STARD13: variants seen among roughly 807,000 people sequenced by gnomAD.
STARD13 encodes stAR-related lipid transfer protein 13.
STARD13 carries 62 observed loss-of-function variants against 106.4 expected under a neutral mutation model. The ratio of observed to expected loss-of-function variants is 0.58; its 90% confidence interval spans 0.48 to 0.72. STARD13 has a LOEUF of 0.72. Among genes scored for constraint, STARD13 ranks in the 30% least tolerant of loss-of-function variants. The pLI, the probability that STARD13 is intolerant of heterozygous loss-of-function variation, is 0.00. For synonymous variants in STARD13, 565 were observed against 553.0 expected, an observed-to-expected ratio of 1.02 and a Z score of -0.31; for missense variants, 1,387 against 1,424.0, an observed-to-expected ratio of 0.97 and a Z score of 0.42.
chr13:33,276,128 A>G (rs1324676366), intron 1 of STARD13: 3 of 152,202 alleles, frequency 2.0e-5, no homozygotes, highest in Admixed American at 2.0e-4. Flanking sequence ...AGACCTTCCA[A>G]CTAAAAGTAC....
At chr13:33,611,689 C>T in the STARD13 span, among the ~76,000 whole-genome samples, 1 of 152,176 alleles carries the variant, frequency 6.6e-6, no homozygotes, top group African/African-American at 2.4e-5. Context: ...ATAAGCAGGT[C>T]ATTTATTCAA....
At chr13:33,195,900 AT>A (rs1886581251) in intron 1 of STARD13, among the ~76,000 whole-genome samples, 2 of 152,152 alleles carry the variant, frequency 1.3e-5, no homozygotes, top group African/African-American at 4.8e-5. Flanking sequence ...TGAGGATGAA[AT>A]GAGTGCTCTG....
chr13:33,337,764 G>A (rs78801559), intron 1 of STARD13, among the ~76,000 whole-genome samples: 2,958 of 152,252 alleles, frequency 0.019, 92 homozygotes, highest in African/African-American at 0.066. Flanking sequence ...AATTCACAAA[G>A]CAAGTCATGG....
At chr13:33,175,769 C>A (rs1349401681) in intron 1 of STARD13, among the ~76,000 whole-genome samples, 1 of 152,206 alleles carries the variant, frequency 6.6e-6, no homozygotes, top group African/African-American at 2.4e-5. Flanking sequence ...TTCCATCCTA[C>A]ATTGCTTTAA....
the STARD13 span, among the ~76,000 whole-genome samples, chr13:33,508,608 GAC>G: frequency 2.0e-5 from 3 of 152,130 alleles, no homozygotes; most frequent in Non-Finnish European, 4.4e-5. Context: ...TGTTGTAAAT[GAC>G]AGTTCTTAAA....
intron 1 of STARD13, among the ~76,000 whole-genome samples, chr13:33,335,990 CATTA>C (rs113377853): frequency 0.31 from 5,194 of 16,996 alleles, 281 homozygotes; most frequent in African/African-American, 0.45. Context: ...TTCATTCATT[CATTA>C]ATTCATTCAC....
At chr13:33,456,075 G>A in the STARD13 span, among the ~76,000 whole-genome samples, 1 of 152,204 alleles carries the variant, frequency 6.6e-6, no homozygotes, top group Non-Finnish European at 1.5e-5. Context: ...ACACAGCCAT[G>A]AGCATTTGTT....
the STARD13 span, among the ~76,000 whole-genome samples, chr13:33,412,773 T>C: frequency 1.8e-4 from 28 of 152,278 alleles, no homozygotes; most frequent in Non-Finnish European, 3.8e-4. Flanking sequence ...TAATCTTAAA[T>C]GCATATGTGT....
chr13:33,653,703 T>C, the STARD13 span, among the ~76,000 whole-genome samples: 1 of 147,794 alleles, frequency 6.8e-6, no homozygotes, highest in Non-Finnish European at 1.5e-5. Context: ...TTAAATATTT[T>C]GTGCTGCAGA....
chr13:33,460,506 A>G, the STARD13 span, among the ~76,000 whole-genome samples: 1 of 151,688 alleles, frequency 6.6e-6, no homozygotes, highest in South Asian at 2.1e-4. Flanking sequence ...AAAAAAAAAG[A>G]AAGATTGTTT....
chr13:33,541,554 G>A, the STARD13 span, among the ~76,000 whole-genome samples: 2 of 152,180 alleles, frequency 1.3e-5, no homozygotes, highest in East Asian at 3.8e-4. Context: ...AAAAAACAAT[G>A]AAATACACTT....
chr13:33,374,691 G>C, the STARD13 span, among the ~76,000 whole-genome samples: 1 of 152,102 alleles, frequency 6.6e-6, no homozygotes, highest in Non-Finnish European at 1.5e-5. Flanking sequence ...CAATTTTACT[G>C]AATAGAGATG....
the STARD13 span, among the ~76,000 whole-genome samples, chr13:33,612,606 C>T: frequency 1.3e-5 from 2 of 152,166 alleles, no homozygotes; most frequent in African/African-American, 2.4e-5. Flanking sequence ...TTTTCTTTTT[C>T]TCTTGTCTAT....
the STARD13 span, among the ~76,000 whole-genome samples, chr13:33,361,590 A>G: frequency 3.9e-5 from 6 of 152,350 alleles, no homozygotes; most frequent in African/African-American, 1.4e-4. Context: ...AAAGAGGTTT[A>G]ATTGACTCAC....
chr13:33,327,180 C>A (rs899368658), intron 1 of STARD13, among the ~76,000 whole-genome samples: 1 of 152,118 alleles, frequency 6.6e-6, no homozygotes, highest in Non-Finnish European at 1.5e-5. Context: ...GATGATAAAC[C>A]AATGTTACCA....
chr13:33,549,523 T>C, the STARD13 span, among the ~76,000 whole-genome samples: 14 of 152,342 alleles, frequency 9.2e-5, no homozygotes, highest in Non-Finnish European at 1.6e-4. Flanking sequence ...CTAAATAAAC[T>C]GCTGTAGTCC....
chr13:33,595,444 A>C, the STARD13 span, among the ~76,000 whole-genome samples: 66 of 152,290 alleles, frequency 4.3e-4, no homozygotes, highest in African/African-American at 1.5e-3. Context: ...AATTAAATGG[A>C]TCACTAGGCT....
the STARD13 span, among the ~76,000 whole-genome samples, chr13:33,618,912 C>T: frequency 6.6e-6 from 1 of 151,944 alleles, no homozygotes. Context: ...CTGAGGAGAG[C>T]TGGGACCATA....
At chr13:33,485,373 C>T in the STARD13 span, among the ~76,000 whole-genome samples, 1 of 151,988 alleles carries the variant, frequency 6.6e-6, no homozygotes, top group Non-Finnish European at 1.5e-5. Context: ...AAAAAACTCT[C>T]CAAGAAATTA....
Sources: allele counts gnomAD v4.1 joint callset (sites outside exome capture counted in the v4.1 genomes callset), GRCh38; gene constraint gnomAD v4.1.1; transcripts MANE v1.5; gene names NCBI Gene and HGNC (gene_info 2026-07-23, HGNC 2026-07-21).